Variants in HMCN2 observed in about 807,000 individuals in gnomAD.
HMCN2 encodes hemicentin 2, also known as hemicentin-2.
A neutral mutation model predicts 377.5 loss-of-function variants in HMCN2; 325 were observed. The ratio of observed to expected loss-of-function variants is 0.86; its 90% CI spans 0.79 to 0.94. HMCN2 has a LOEUF of 0.94. Among genes scored for constraint, HMCN2 ranks in the 40% least tolerant of loss-of-function variants. The probability of loss-of-function intolerance (pLI) is 0.00; values close to 1 mark genes in which losing one functional copy is unlikely to be tolerated. For synonymous variants in HMCN2, 2,007 were observed against 2,046.8 expected (o/e 0.98, Z 0.53); for missense variants, 4,543 against 4,725.3 (o/e 0.96, Z 1.13).
rs538372164 is a variant in HMCN2, at chr9:130,303,328, C to T, written c.1422-159C>T. Among the ~76,000 whole-genome samples the T allele has an allele frequency of 6.6e-6, 1 of 152,350 alleles. No homozygotes were observed. The highest frequency in any genetic ancestry group is 1.9e-4 in the East Asian group (1 of 5,186). On this transcript the variant is annotated intron_variant, in intron 9 of 97. Coordinates refer to ENST00000683500, the MANE Select transcript of HMCN2 (RefSeq NM_001291815.2). The surrounding 1 kb of genome is among the most constrained non-coding windows in gnomAD (Gnocchi z 5.2). ...CCTGACTCCAAGTCACACAGCATGT[C>T]ATGGAATTTCCATGTGCTTGGCTGT...
intron 4 of HMCN2, among the ~76,000 whole-genome samples, chr9:130,291,446 G>T (rs1835759662): frequency 6.6e-6 from 1 of 152,182 alleles, no homozygotes; most frequent in Non-Finnish European, 1.5e-5. Context: ...CTGACCTAAG[G>T]TGATCCGCCT....
Position 130,306,927 on chromosome 9 carries a change from T to G in HMCN2, c.2075T>G (p.Leu692Arg), listed in dbSNP as rs1164008278. The change falls in exon 13 of 98, where the codon CTC (leucine) becomes CGC (arginine). Residue 692 changes from leucine to arginine, a missense_variant. By Grantham distance (102) the Leu-to-Arg change is moderately radical (BLOSUM62 -2). This residue lies in a region of HMCN2 where 547 missense variants were observed against 189.9 expected (regional missense o/e 2.88). Transcript: ENST00000683500. Reference sequence around the variant, plus strand: ...GGCACTGACCAGGAGACGGTCACCCTCTACTACACAGGTACCCAGGCCACA... The same window carrying G: ...GGCACTGACCAGGAGACGGTCACCCGCTACTACACAGGTACCCAGGCCACA... ...EVGTDQETVT[L>R]YYTDPPSVSA... 2.1e-6 allele frequency: 1 copy of G among 469,234 alleles called. No individual in the cohort carries two copies. The highest frequency in any genetic ancestry group is 7.0e-5 in the East Asian group (1 of 14,344). 29.1% of individuals were successfully genotyped at this position (469,234 alleles called of 1,614,324 possible).
Position 130,361,980 on chromosome 9 carries a change from T to G in HMCN2, c.5951-28T>G. On this transcript the variant is annotated intron_variant, in intron 38 of 97. Coordinates refer to ENST00000683500, the MANE Select transcript of HMCN2 (RefSeq NM_001291815.2). The surrounding 1 kb of genome is among the most constrained non-coding windows in gnomAD (Gnocchi z 4.8). Reference sequence around the variant, plus strand: ...TGCTTTGCCCCAGTGGGGCTCAGCCTGTACCCCATGTCACCCCTGCCCTGC... The same window carrying G: ...TGCTTTGCCCCAGTGGGGCTCAGCCGGTACCCCATGTCACCCCTGCCCTGC... 2 of 985,956 alleles carry G rather than the reference T, an allele frequency of 2.0e-6. No individual in the cohort carries two copies. Among genetic ancestry groups the G allele is most frequent in the Non-Finnish European group, 2.4e-6 (2 of 829,988 alleles). The allele number at this position is 985,956 out of a possible 1,614,324, so 61.1% of individuals were successfully genotyped here. A position where few individuals can be genotyped will look rare whatever the true frequency, so the allele number is the denominator to read the frequency against.
At position 130,356,122 on chromosome 9, in the gene HMCN2, G is replaced by C; in HGVS notation, c.5290G>C (p.Ala1764Pro). 1 of 1,299,392 alleles carries C rather than the reference G, an allele frequency of 7.7e-7. No homozygotes were observed. The highest frequency in any genetic ancestry group is 1.0e-6 in the Non-Finnish European group (1 of 987,930). 80.5% of individuals were successfully genotyped at this position (1,299,392 alleles called of 1,614,324 possible). A position where few individuals can be genotyped will look rare whatever the true frequency, so the allele number is the denominator to read the frequency against. The change falls in exon 34 of 98, where the codon GCT becomes CCT. Residue 1764 changes from alanine (A) to proline (P), a missense_variant. Around this residue, in one of 5 missense-constraint regions of HMCN2, gnomAD observed 1,032 missense variants for 1,285.1 expected, o/e 0.80. Coordinates refer to ENST00000683500, the MANE Select transcript of HMCN2 (RefSeq NM_001291815.2). ...LQNGRPAEEL[A>P]GVQVASQGTT... ...GAATGGCCGCCCAGCCGAGGAGCTG[G>C]CTGGGGTGCAGGTGGCCTCGCAGGG...
Position 130,414,481 on chromosome 9 carries a change from A to G in HMCN2, c.12961+3829A>G, listed in dbSNP as rs1843585415. Among the ~76,000 whole-genome samples the G allele has an allele frequency of 2.0e-5, 3 of 152,238 alleles. No individual in the cohort carries two copies. The highest frequency in any genetic ancestry group is 4.4e-5 in the Non-Finnish European group (3 of 68,034). On this transcript the variant is annotated intron_variant, in intron 85 of 97. Coordinates refer to ENST00000683500, the MANE Select transcript of HMCN2 (RefSeq NM_001291815.2). This position sits in a 1 kb window ranked among gnomAD's most constrained non-coding sequence, Gnocchi z 4.4. ...TTTAAATAAAAATCCGAGTCTTACA[A>G]TACTGAAACTCACTTACACACCAGG...
In HMCN2 at chr9:130,394,476, C is replaced by T; in HGVS notation, c.10593C>T (p.Thr3531=). The T allele has an allele frequency of 7.8e-7, 1 of 1,289,818 alleles. No individual in the cohort carries two copies. The highest frequency in any genetic ancestry group is 1.0e-6 in the Non-Finnish European group (1 of 988,830). 79.9% of individuals were successfully genotyped at this position (1,289,818 alleles called of 1,614,324 possible). A position where few individuals can be genotyped will look rare whatever the true frequency, so the allele number is the denominator to read the frequency against. ...PMELLCDAQG[T]PQPNITWHKD... is the part of the protein sequence containing the mutation. ...AGCTCCTCTGTGATGCCCAGGGCAC[C>T]CCCCAGCCCAACATCACCTGGCATA... is the stretch of plus-strand genomic sequence containing the variant. The change falls in exon 69 of 98, where the codon ACC becomes ACT. Residue 3531 remains threonine (T), a synonymous_variant. Transcript: ENST00000683500. The surrounding 1 kb of genome is among the most constrained non-coding windows in gnomAD (Gnocchi z 5.1).
At chr9:130,421,661 G>A (rs978468774) in intron 86 of HMCN2, among the ~76,000 whole-genome samples, 1 of 152,098 alleles carries the variant, frequency 6.6e-6, no homozygotes, top group African/African-American at 2.4e-5. Flanking sequence ...ATAGGTTCAC[G>A]GCCCTTCTCC....
intron 1 of HMCN2, among the ~76,000 whole-genome samples, chr9:130,283,497 G>A (rs996963405): frequency 1.4e-5 from 2 of 141,258 alleles, no homozygotes; most frequent in African/African-American, 2.7e-5. Flanking sequence ...GAAATGCTCC[G>A]ATCTTAGCTG....
At chr9:130,385,011 GGAAGCCTGTTTCACAGT>G (rs1841943217) in intron 59 of HMCN2, among the ~76,000 whole-genome samples, 1 of 152,208 alleles carries the variant, frequency 6.6e-6, no homozygotes, top group Non-Finnish European at 1.5e-5. Context: ...GTGTGGTGGG[GGAAGCCTGTTTCACAGT>G]GGAGCCTGTT....
Position 130,425,025 on chromosome 9 carries a change from G to A in HMCN2, c.13536G>A (p.Met4512Ile), listed in dbSNP as rs1013273730. 1 of 1,548,372 alleles carries A rather than the reference G, an allele frequency of 6.5e-7. No homozygotes were observed. The highest frequency in any genetic ancestry group is 8.7e-7 in the Non-Finnish European group (1 of 1,145,846). Residue 4512 changes from methionine to isoleucine, a missense_variant, in exon 89 of 98, where the codon ATG (methionine) becomes ATA (isoleucine). Met to Ile is a conservative substitution (Grantham distance 10). Transcript: ENST00000683500. ...VEFATGELLTMTQVARGLDPD... is the reference protein window; with the variant it reads ...VEFATGELLTITQVARGLDPD... ...GGTTTGCAGGGGAGCTGCTCACGAT[G>A]ACCCAGGTGGCCCGGGGTCTGGATC...
At chr9:130,370,645 C>T (rs867943) in intron 45 of HMCN2, among the ~76,000 whole-genome samples, 119,134 of 152,230 alleles carry the variant, frequency 0.78, 49,946 homozygotes, top group Non-Finnish European at 0.93. Context: ...ATTCCGGTCC[C>T]ACTGGCTCAG....
intron 34 of HMCN2, among the ~76,000 whole-genome samples, chr9:130,357,249 G>A (rs1482836073): frequency 7.4e-6 from 1 of 135,246 alleles, no homozygotes; most frequent in African/African-American, 2.8e-5. Context: ...TGGATGGATG[G>A]AAGGGTGGGT....
At chr9:130,365,181 C>T (rs970148369) in intron 41 of HMCN2, among the ~76,000 whole-genome samples, 22 of 152,234 alleles carry the variant, frequency 1.4e-4, no homozygotes, top group African/African-American at 4.6e-4. Context: ...CCCCTCCTTC[C>T]GTTCATTCTT....
In HMCN2 at chr9:130,328,573, G is replaced by A. The variant is rs977110071; in HGVS notation, c.3359+1098G>A. The stretch of plus-strand genomic sequence containing the variant: ...CCCTCTCCCTTGCCCTCTTCACTTC[G>A]TGCTGGCTTACATTGTTTTATCTCC... On this transcript the variant is annotated intron_variant, in intron 22 of 97. Coordinates refer to ENST00000683500, the MANE Select transcript of HMCN2 (RefSeq NM_001291815.2). Among the ~76,000 whole-genome samples the A allele has an allele frequency of 7.9e-5, 12 of 151,904 alleles. No individual in the cohort carries two copies. The South Asian group carries it at 1.2e-3, about 16-fold the overall frequency.
intron 4 of HMCN2, among the ~76,000 whole-genome samples, chr9:130,289,334 G>A (rs1255600930): frequency 6.6e-6 from 1 of 152,148 alleles, no homozygotes; most frequent in Non-Finnish European, 1.5e-5. Flanking sequence ...AAGGGCGGGC[G>A]GAAGATGGGG....
intron 4 of HMCN2, among the ~76,000 whole-genome samples, chr9:130,288,799 T>C (rs1229125980): frequency 1.3e-5 from 2 of 152,204 alleles, no homozygotes; most frequent in Admixed American, 6.5e-5. Context: ...GCCTCACTAG[T>C]ACCTGGATCA....
intron 4 of HMCN2, 48 bp downstream of exon 4, chr9:130,286,358 G>A (rs782511326): frequency 3.6e-5 from 17 of 466,766 alleles, no homozygotes; most frequent in Admixed American, 1.4e-4. Context: ...ACTCGGGCAC[G>A]GTGAGGACAC....
chr9:130,407,678 C>T lies in HMCN2; in HGVS notation c.12661C>T (p.Gln4221Ter). 7.9e-7 allele frequency: 1 copy of T among 1,259,068 alleles called. No individual in the cohort carries two copies. Among genetic ancestry groups the T allele is most frequent in the Non-Finnish European group, 1.0e-6 (1 of 969,394 alleles). 78.0% of individuals were successfully genotyped at this position (1,259,068 alleles called of 1,614,324 possible). The change falls in exon 83 of 98, where the codon CAG (glutamine) becomes TAG (stop). Residue 4221 changes from glutamine to a stop codon, truncating the protein, a stop_gained. Coordinates refer to ENST00000683500, the MANE Select transcript of HMCN2 (RefSeq NM_001291815.2). LOFTEE classifies it high-confidence loss of function. ...GGCGGAGAACAGAGTGGGCCGCACG[C>T]AGGCGGTCAGCTTCGTCCACGTGAA... ...CWAENRVGRT[Q>*]AVSFVHVKEA...
intron 77 of HMCN2, 57 bp from the exon 78 acceptor site, chr9:130,402,732 C>A: frequency 8.9e-7 from 1 of 1,117,946 alleles, no homozygotes; most frequent in Non-Finnish European, 1.2e-6. Context: ...GGAGCCCTGC[C>A]ACCTCCATCC....
Sources: allele counts gnomAD v4.1 joint callset (sites outside exome capture counted in the v4.1 genomes callset), GRCh38; gene constraint gnomAD v4.1.1; regional missense constraint gnomAD v4.1.1; non-coding constraint Gnocchi (gnomAD v3.1); transcripts MANE v1.5; gene names NCBI Gene and HGNC (gene_info 2026-07-23, HGNC 2026-07-21).